KCNH8: variants seen among roughly 807,000 people sequenced by gnomAD.
KCNH8 encodes the protein potassium voltage-gated channel subfamily H member 8.
Under a neutral mutation model 103.6 loss-of-function variants are expected in KCNH8, and 70 were observed. The observed-to-expected ratio is 0.68, with a 90% confidence interval of 0.56 to 0.82. The LOEUF is 0.82. Ranked by LOEUF, KCNH8 falls within the 40% of genes least tolerant of loss-of-function variation. KCNH8 has a pLI of 0.00. For synonymous variants in KCNH8, 498 were observed against 489.4 expected, an observed-to-expected ratio of 1.02 and a Z score of -0.23; for missense variants, 1,217 against 1,329.9, an observed-to-expected ratio of 0.92 and a Z score of 1.32.
chr3:19,309,206 A>G (rs888134368), intron 3 of KCNH8, among the ~76,000 whole-genome samples: 1 of 151,964 alleles, frequency 6.6e-6, no homozygotes, highest in African/African-American at 2.4e-5. Context: ...AGACCCCAAC[A>G]GCAAGTGCTG....
chr3:19,159,197 A>C (rs1643585429), intron 1 of KCNH8, among the ~76,000 whole-genome samples: 1 of 151,878 alleles, frequency 6.6e-6, no homozygotes, highest in Admixed American at 6.6e-5. Context: ...CAGATTTTAT[A>C]ATATTGAACT....
chr3:19,465,961 G>A (rs538685161), intron 11 of KCNH8, among the ~76,000 whole-genome samples: 4 of 152,030 alleles, frequency 2.6e-5, no homozygotes, highest in Admixed American at 2.6e-4. Context: ...TTGAGATAGG[G>A]CCTCACTCTG....
At chr3:19,455,859 T>C (rs2067524270) in intron 10 of KCNH8, among the ~76,000 whole-genome samples, 1 of 152,086 alleles carries the variant, frequency 6.6e-6, no homozygotes, top group African/African-American at 2.4e-5. Context: ...ACTAGTTGCT[T>C]AGCAGAGAAT....
chr3:19,255,942 GACA>G (rs1219605823), intron 2 of KCNH8, among the ~76,000 whole-genome samples: 1 of 152,098 alleles, frequency 6.6e-6, no homozygotes, highest in African/African-American at 2.4e-5. Context: ...TTCCACTCCA[GACA>G]ACAAAATTTC....
chr3:19,436,499 A>G (rs2067201677), intron 7 of KCNH8, among the ~76,000 whole-genome samples: 1 of 152,170 alleles, frequency 6.6e-6, no homozygotes, highest in Non-Finnish European at 1.5e-5. Context: ...CACATAGCCA[A>G]TCCTCGGATT....
intron 1 of KCNH8, among the ~76,000 whole-genome samples, chr3:19,183,993 T>A (rs2063480188): frequency 6.6e-6 from 1 of 152,084 alleles, no homozygotes; most frequent in South Asian, 2.1e-4. Flanking sequence ...TCATATGAAT[T>A]CAAACAGCCA....
chr3:19,187,774 A>G (rs2063516372), intron 1 of KCNH8, among the ~76,000 whole-genome samples: 1 of 152,110 alleles, frequency 6.6e-6, no homozygotes, highest in Non-Finnish European at 1.5e-5. Flanking sequence ...TATGTTTTAA[A>G]TTGTACATAT....
chr3:19,503,088 A>G (rs1386976402), intron 11 of KCNH8, among the ~76,000 whole-genome samples: 6 of 151,472 alleles, frequency 4.0e-5, no homozygotes, highest in African/African-American at 7.3e-5. Context: ...CAAGAAAAAA[A>G]CAAACAACCC....
chr3:19,528,877 G>T (rs559272596), intron 15 of KCNH8, among the ~76,000 whole-genome samples: 1 of 152,218 alleles, frequency 6.6e-6, no homozygotes, highest in Non-Finnish European at 1.5e-5. Context: ...GGAACTCAAC[G>T]ACTAGTTGGT....
At chr3:19,430,248 G>A (rs1262127886) in intron 7 of KCNH8, among the ~76,000 whole-genome samples, 1 of 152,010 alleles carries the variant, frequency 6.6e-6, no homozygotes, top group African/African-American at 2.4e-5. Context: ...GCTTGTTTTT[G>A]TCTTGTTTGT....
intron 1 of KCNH8, among the ~76,000 whole-genome samples, chr3:19,239,155 CT>C (rs139556920): frequency 2.0e-5 from 3 of 151,284 alleles, no homozygotes; most frequent in East Asian, 1.9e-4. Context: ...ACAAATAGGA[CT>C]TTTTTTTTCA....
intron 2 of KCNH8, among the ~76,000 whole-genome samples, chr3:19,271,530 A>G (rs925964759): frequency 5.9e-5 from 9 of 152,154 alleles, no homozygotes; most frequent in Non-Finnish European, 1.5e-5. Flanking sequence ...AGATATATTA[A>G]AACTAAACCA....
At chr3:19,299,442 C>T (rs569938170) in intron 3 of KCNH8, among the ~76,000 whole-genome samples, 5 of 151,914 alleles carry the variant, frequency 3.3e-5, no homozygotes, top group Admixed American at 6.6e-5. Context: ...ACGGATTGGG[C>T]AACATAGTGA....
chr3:19,498,845 A>G (rs900470327), intron 11 of KCNH8, among the ~76,000 whole-genome samples: 1 of 151,864 alleles, frequency 6.6e-6, no homozygotes, highest in African/African-American at 2.4e-5. Context: ...CGGCCGTATG[A>G]GGTGTCAGTC....
intron 3 of KCNH8, among the ~76,000 whole-genome samples, chr3:19,305,698 A>G (rs1479876452): frequency 6.6e-6 from 1 of 152,118 alleles, no homozygotes; most frequent in African/African-American, 2.4e-5. Flanking sequence ...AGCAAACTAA[A>G]AAAATCCAGA....
Position 19,503,079 on chromosome 3 carries a change from A to G in KCNH8, c.2041-7284A>G, listed in dbSNP as rs1460423000. 1.6e-4 allele frequency among the ~76,000 whole-genome samples: 25 copies of G among 151,814 alleles called. No individual in the cohort carries two copies. The East Asian group carries it at 3.7e-3, about 22-fold the overall frequency. ...CTACAATGAACTCAAACAAATTTAC[A>G]AGAAAAAAACAAACAACCCCATCAA... On this transcript the variant is annotated intron_variant, in intron 11 of 15. Transcript: ENST00000328405.
intron 3 of KCNH8, among the ~76,000 whole-genome samples, chr3:19,335,045 CT>C (rs1018053401): frequency 1.3e-5 from 2 of 151,872 alleles, no homozygotes; most frequent in African/African-American, 4.8e-5. Context: ...TTCATTCTCT[CT>C]CTCTGAAATA....
chr3:19,245,115 A>G (rs1243518322), intron 1 of KCNH8, among the ~76,000 whole-genome samples: 1 of 152,124 alleles, frequency 6.6e-6, no homozygotes, highest in African/African-American at 2.4e-5. Flanking sequence ...CTTGAATCCA[A>G]CTTGAGTTAA....
intron 5 of KCNH8, among the ~76,000 whole-genome samples, chr3:19,362,634 G>GT (rs1255753000): frequency 1.3e-5 from 2 of 152,186 alleles, no homozygotes; most frequent in East Asian, 3.9e-4. Context: ...CATCAAGCCT[G>GT]TATTTCCTCA....
Sources: gnomAD v4.1 joint callset for allele counts (sites outside exome capture counted in the v4.1 genomes callset) on GRCh38, gnomAD v4.1.1 for gene constraint, MANE v1.5 for transcripts, NCBI Gene and HGNC (gene_info 2026-07-23, HGNC 2026-07-21) for gene names.